Variants in NOD1 observed in about 807,000 individuals in gnomAD.
NOD1 encodes nucleotide binding oligomerization domain containing 1, also known as nucleotide-binding oligomerization domain-containing protein 1.
A neutral mutation model predicts 81.2 loss-of-function variants in NOD1; 70 were observed. That is an observed-to-expected ratio of 0.86 (90% CI 0.71 to 1.05). The LOEUF (loss-of-function observed/expected upper bound fraction) is 1.05. Among genes scored for constraint, NOD1 ranks in the 50% least tolerant of loss-of-function variants. The pLI, the probability that NOD1 is intolerant of heterozygous loss-of-function variation, is 0.00. For missense variants in NOD1, 1,233 were observed against 1,228.0 expected (o/e 1.00, Z -0.06); for synonymous variants, 508 against 526.9 (o/e 0.96, Z 0.49).
chr7:30,451,771 G>A lies in NOD1; in HGVS notation c.1646C>T (p.Pro549Leu). ...ELLRFFQEWM[P>L]PAGAATTSCY... ...GGACGTGGTCGCTGCCCCCGCAGGG[G>A]GCATCCACTCCTGGAAGAACCTGAG... Residue 549 changes from proline to leucine, a missense_variant, in exon 6 of 14, where the codon CCC (proline) becomes CTC (leucine). Transcript: ENST00000222823. This position sits in a 1 kb window ranked among gnomAD's most constrained non-coding sequence, Gnocchi z 4.2. 1 of 1,613,778 alleles carries A rather than the reference G, an allele frequency of 6.2e-7. No individual in the cohort carries two copies. The highest frequency in any genetic ancestry group is 1.1e-5 in the South Asian group (1 of 91,086).
chr7:30,452,814 C>G lies in NOD1; in HGVS notation c.603G>C (p.Leu201=). The G allele has an allele frequency of 2.5e-6, 4 of 1,614,154 alleles. No homozygotes were observed. Among genetic ancestry groups the G allele is most frequent in the Non-Finnish European group, 3.4e-6 (4 of 1,180,034 alleles). The change falls in exon 6 of 14, where the codon CTG becomes CTC. Residue 201 remains leucine, a synonymous_variant. Transcript: ENST00000222823. ...LNEQGETIFI[L]GDAGVGKSML... is the part of the protein sequence containing the mutation. ...TGGACTTGCCCACCCCAGCATCACC[C>G]AGGATGAAGATGGTCTCACCCTGCT...
rs778560787 is a variant in NOD1 at position 30,446,144 on chromosome 7, A to T, written c.2450T>A (p.Val817Asp). The change falls in exon 9 of 14, where the codon GTT (valine) becomes GAT (aspartate). Residue 817 changes from valine to aspartate, a missense_variant. Physicochemically the swap from Val to Asp is radical, Grantham distance 152. Coordinates refer to ENST00000222823, the MANE Select transcript of NOD1 (RefSeq NM_006092.4). Reference sequence around the variant, plus strand: ...ACATCCATCCCCTTCTACTCACCCAACCTCAGAGATTGATTTGCTGTTCTT... The same window carrying T: ...ACATCCATCCCCTTCTACTCACCCATCCTCAGAGATTGATTTGCTGTTCTT... ...AVKNSKSISEVGMWGNQVGDE... is the reference protein window; with the variant it reads ...AVKNSKSISEDGMWGNQVGDE... 1.9e-6 allele frequency: 3 copies of T among 1,612,826 alleles called. No individual in the cohort carries two copies. Among genetic ancestry groups the T allele is most frequent in the South Asian group, 2.2e-5 (2 of 91,048 alleles).
chr7:30,427,424 C>T (rs117755164), intron 13 of NOD1, among the ~76,000 whole-genome samples: 1,726 of 152,324 alleles, frequency 0.011, 12 homozygotes, highest in Middle Eastern at 0.027. Flanking sequence ...CAGAGCTGCT[C>T]CCTGAACGTG....
At chr7:30,455,723 T>C (rs961700801) in intron 4 of NOD1, among the ~76,000 whole-genome samples, 2 of 151,978 alleles carry the variant, frequency 1.3e-5, no homozygotes, top group African/African-American at 2.4e-5. Flanking sequence ...TTCCTCAGCC[T>C]CCCAAGTGGC....
chr7:30,454,322 G>A (rs1319552887), intron 5 of NOD1, among the ~76,000 whole-genome samples: 1 of 152,346 alleles, frequency 6.6e-6, no homozygotes, highest in East Asian at 1.9e-4. Context: ...GCAGATCCTG[G>A]CCCTAATGAT....
At chr7:30,445,982 G>A (rs927208389) in intron 9 of NOD1, among the ~76,000 whole-genome samples, 159 bp downstream of exon 9, 2 of 151,914 alleles carry the variant, frequency 1.3e-5, no homozygotes, top group African/African-American at 2.4e-5. Context: ...TAATGGGCAC[G>A]GTTTCAGTTT....
At chr7:30,454,804 T>C (rs1786169104) in intron 5 of NOD1, among the ~76,000 whole-genome samples, 1 of 152,042 alleles carries the variant, frequency 6.6e-6, no homozygotes, top group African/African-American at 2.4e-5. Flanking sequence ...AGCTAAAGAT[T>C]TTTTTAAAAG....
intron 11 of NOD1, 76 bp downstream of exon 11, chr7:30,435,922 C>T: frequency 8.3e-7 from 1 of 1,197,700 alleles, no homozygotes; most frequent in South Asian, 1.3e-5. Context: ...CACACCAATG[C>T]ACTCAAGCCT....
intron 9 of NOD1, 38 bp from the exon 10 acceptor site, chr7:30,437,694 A>G: frequency 1.4e-6 from 2 of 1,424,952 alleles, no homozygotes; most frequent in Non-Finnish European, 1.9e-6. Flanking sequence ...TTAGCTCCCC[A>G]AGAAACAGCC....
rs757676249 is a variant in NOD1 at position 30,436,075 on chromosome 7, C to T, written c.2544G>A (p.Ala848=). 157 of 1,613,540 alleles carry T rather than the reference C, an allele frequency of 9.7e-5. 1 individual carries two copies. In the South Asian group the frequency reaches 1.4e-3, roughly 14 times the overall value. The change falls in exon 11 of 14, where the codon GCG becomes GCA. Residue 848 remains alanine (A), a synonymous_variant. Transcript: ENST00000222823. ...NHPSLTTLSL[A]SNGISTEGGK... is the part of the protein sequence containing the mutation. ...CTCCTTCTGTGGAGATGCCGTTGGA[C>T]GCAAGACTAGGAAGGAACACACTTG...
Position 30,428,017 on chromosome 7 carries a change from A to C in NOD1, c.2789+1357T>G, listed in dbSNP as rs1003733242. On this transcript the variant is annotated intron_variant, in intron 13 of 13. Transcript: ENST00000222823. ...GCTGGGCAGGCTGGGCTTCGCAGGC[A>C]CACAGGCCACAGGTGTCTGTTTAGA... Among the ~76,000 whole-genome samples the C allele has an allele frequency of 3.9e-5, 6 of 152,340 alleles. No individual in the cohort carries two copies. The East Asian group carries it at 1.2e-3, about 29-fold the overall frequency.
At chr7:30,428,068 G>GTTTTTCTT (rs879442254) in intron 13 of NOD1, among the ~76,000 whole-genome samples, 3 of 152,142 alleles carry the variant, frequency 2.0e-5, no homozygotes, top group African/African-American at 7.2e-5. Flanking sequence ...CTATGATGGT[G>GTTTTTCTT]TTTTTCTTTT....
At chr7:30,455,590 C>CTTTTTTT (rs34626585) in intron 4 of NOD1, among the ~76,000 whole-genome samples, 5 of 143,076 alleles carry the variant, frequency 3.5e-5, no homozygotes, top group African/African-American at 7.8e-5. Context: ...TTCTCTACCT[C>CTTTTTTT]TTTTTTTTTT....
rs1787807029 is a variant in NOD1, at chr7:30,467,391, T to G, written c.-351-7350A>C. On this transcript the variant is annotated intron_variant, in intron 1 of 13. Coordinates refer to ENST00000222823, the MANE Select transcript of NOD1 (RefSeq NM_006092.4). This position sits in a 1 kb window ranked among gnomAD's most constrained non-coding sequence, Gnocchi z 4.5. ...TATACACTTGCATGATTGAAATATT[T>G]TAGGGCCTTTTCCTCATTAGGGCAT... is the stretch of plus-strand genomic sequence containing the variant. Among the ~76,000 whole-genome samples the G allele has an allele frequency of 6.6e-6, 1 of 152,162 alleles. No homozygotes were observed. Among genetic ancestry groups the G allele is most frequent in the Non-Finnish European group, 1.5e-5 (1 of 68,012 alleles).
intron 11 of NOD1, among the ~76,000 whole-genome samples, chr7:30,434,884 G>A (rs1211668135): frequency 6.6e-6 from 1 of 151,990 alleles, no homozygotes; most frequent in Non-Finnish European, 1.5e-5. Context: ...ACTGGGCTCT[G>A]AGTAGATGAT....
chr7:30,430,637 C>A (rs1330631075), intron 12 of NOD1, among the ~76,000 whole-genome samples: 1 of 152,196 alleles, frequency 6.6e-6, no homozygotes, highest in Non-Finnish European at 1.5e-5. Context: ...AGCTACAGAA[C>A]CTTGAAGAAA....
intron 4 of NOD1, among the ~76,000 whole-genome samples, chr7:30,456,307 C>G (rs1002246909): frequency 6.6e-6 from 1 of 152,162 alleles, no homozygotes; most frequent in Non-Finnish European, 1.5e-5. Flanking sequence ...GTGGACCCAC[C>G]GTGGGATGTC....
intron 1 of NOD1, among the ~76,000 whole-genome samples, chr7:30,468,497 T>G (rs917443455): frequency 3.9e-5 from 6 of 152,202 alleles, no homozygotes; most frequent in African/African-American, 1.4e-4. Context: ...AACCAGAAAA[T>G]GCCATCTCTG....
rs1054947166 is a variant in NOD1, at chr7:30,469,163, T to C, written c.-351-9122A>G. 1.8e-5 allele frequency: 18 copies of C among 985,414 alleles called. 1 individual carries two copies. The African/African-American group carries it at 3.1e-4, about 17-fold the overall frequency. The allele number at this position is 985,414 out of a possible 1,614,324, so 61.0% of individuals were successfully genotyped here. ...TTGGTTTACAATTTCTTAAGGAACT[T>C]AACCTGGAAAACAAGCCCGGTCATG... is the stretch of plus-strand genomic sequence containing the variant. On this transcript the variant is annotated intron_variant, in intron 1 of 13. Coordinates refer to ENST00000222823, the MANE Select transcript of NOD1 (RefSeq NM_006092.4).
Sources: gnomAD v4.1 joint callset for allele counts (sites outside exome capture counted in the v4.1 genomes callset) on GRCh38, gnomAD v4.1.1 for gene constraint, Gnocchi (gnomAD v3.1) non-coding constraint, MANE v1.5 for transcripts, NCBI Gene and HGNC (gene_info 2026-07-23, HGNC 2026-07-21) for gene names.